The following KCNQ1OT1 variants were observed in gnomAD, a reference collection of about 807,000 sequenced individuals.
KCNQ1OT1 encodes the protein KCNQ1 antisense RNA 2 (non-protein coding).
chr11:2,651,752 G>A lies in KCNQ1OT1; in HGVS notation n.48243C>T. 1 of 398,608 alleles carries A rather than the reference G, an allele frequency of 2.5e-6. No homozygotes were observed. Among genetic ancestry groups the A allele is most frequent in the Non-Finnish European group, 4.4e-6 (1 of 226,086 alleles). The allele number at this position is 398,608 out of a possible 1,614,324, so 24.7% of individuals were successfully genotyped here. ...TTCTATACGTTTTCTCTGATTACTG[G>A]AAATTCCTCAAGTGTTGACCATTTT... On this transcript the variant is annotated non_coding_transcript_exon_variant, in exon 1 of 1. Coordinates refer to ENST00000597346, the Ensembl canonical transcript of KCNQ1OT1. This position sits in a 1 kb window ranked among gnomAD's most constrained non-coding sequence, Gnocchi z 6.1.
chr11:2,615,749 A>G (rs572084114), exon 1 of KCNQ1OT1: 41 of 398,088 alleles, frequency 1.0e-4, no homozygotes, highest in Admixed American at 7.9e-4. Context: ...GTCATGATAT[A>G]TAATCCTTTT....
rs990061777 is a variant in KCNQ1OT1, at chr11:2,612,830, T to C, written n.87165A>G. The C allele has an allele frequency of 7.5e-6, 3 of 398,514 alleles. No homozygotes were observed. Among genetic ancestry groups the C allele is most frequent in the African/African-American group, 2.1e-5 (1 of 48,632 alleles). 24.7% of individuals were successfully genotyped at this position (398,514 alleles called of 1,614,324 possible). A position where few individuals can be genotyped will look rare whatever the true frequency, so the allele number is the denominator to read the frequency against. The stretch of plus-strand genomic sequence containing the variant: ...CATTTTTTTTGTTAAAAACTTACTT[T>C]AGATAATATATCGTAGAAACTCTGG... On this transcript the variant is annotated non_coding_transcript_exon_variant, in exon 1 of 1. Transcript: ENST00000597346. The surrounding 1 kb of genome is among the most constrained non-coding windows in gnomAD (Gnocchi z 5.5).
At position 2,623,646 on chromosome 11, in the gene KCNQ1OT1, C is replaced by T. The variant is rs1849211908; in HGVS notation, n.76349G>A. 2.5e-6 allele frequency: 1 copy of T among 398,524 alleles called. No homozygotes were observed. Among genetic ancestry groups the T allele is most frequent in the Non-Finnish European group, 4.4e-6 (1 of 226,036 alleles). The allele number at this position is 398,524 out of a possible 1,614,324, so 24.7% of individuals were successfully genotyped here. A position where few individuals can be genotyped will look rare whatever the true frequency, so the allele number is the denominator to read the frequency against. On this transcript the variant is annotated non_coding_transcript_exon_variant, in exon 1 of 1. Transcript: ENST00000597346. The surrounding 1 kb of genome is among the most constrained non-coding windows in gnomAD (Gnocchi z 5.2). ...AATAATATTTCATTGCCTGGATGTACTACAGTTTATCTGTCTACTCACCTA... is the reference window on the plus strand; with the variant it reads ...AATAATATTTCATTGCCTGGATGTATTACAGTTTATCTGTCTACTCACCTA...
At chr11:2,699,107 T>G (rs1192322645) in exon 1 of KCNQ1OT1, 1 of 398,446 alleles carries the variant, frequency 2.5e-6, no homozygotes, top group Non-Finnish European at 4.4e-6. Flanking sequence ...TAGCGCGGAC[T>G]CAGAACCACG....
exon 1 of KCNQ1OT1, chr11:2,665,236 AAG>A: frequency 2.5e-6 from 1 of 398,520 alleles, no homozygotes; most frequent in Non-Finnish European, 4.4e-6. Context: ...AATGGGGCAC[AAG>A]AGAGTCCCTG....
exon 1 of KCNQ1OT1, chr11:2,639,702 A>C (rs774856136): frequency 6.6e-6 from 1 of 152,256 alleles, no homozygotes; most frequent in East Asian, 1.9e-4. Context: ...TTAGATCTCA[A>C]ACTCCGTGCT....
At chr11:2,616,556 C>A (rs1849067922) in exon 1 of KCNQ1OT1, 1 of 398,078 alleles carries the variant, frequency 2.5e-6, no homozygotes, top group South Asian at 1.3e-4. Context: ...ACTTCTTTCA[C>A]TACATCCCAT....
exon 1 of KCNQ1OT1, chr11:2,643,472 C>A (rs1291651548): frequency 5.0e-6 from 2 of 398,304 alleles, no homozygotes; most frequent in East Asian, 7.1e-5. Context: ...AGTATAGCTA[C>A]TCCTGTTTGG....
rs1327180276 is a variant in KCNQ1OT1 at position 2,613,210 on chromosome 11, C to T, written n.86785G>A. ...ATAACTCTGTCCTGTATTTTACTGT[C>T]TGCTTGCAAAAGGTCTCACAGTCAG... On this transcript the variant is annotated non_coding_transcript_exon_variant, in exon 1 of 1. Coordinates refer to ENST00000597346, the Ensembl canonical transcript of KCNQ1OT1. The surrounding 1 kb of genome is among the most constrained non-coding windows in gnomAD (Gnocchi z 4.8). 2 of 398,544 alleles carry T rather than the reference C, an allele frequency of 5.0e-6. No homozygotes were observed. The highest frequency in any genetic ancestry group is 4.4e-5 in the Admixed American group (1 of 22,718). The allele number at this position is 398,544 out of a possible 1,614,324, so 24.7% of individuals were successfully genotyped here.
At position 2,647,289 on chromosome 11, in the gene KCNQ1OT1, A is replaced by G. The variant is rs1564844204; in HGVS notation, n.52706T>C. 2.5e-6 allele frequency: 1 copy of G among 398,116 alleles called. No individual in the cohort carries two copies. Among genetic ancestry groups the G allele is most frequent in the African/African-American group, 2.1e-5 (1 of 48,510 alleles). 24.7% of individuals were successfully genotyped at this position (398,116 alleles called of 1,614,324 possible). A position where few individuals can be genotyped will look rare whatever the true frequency, so the allele number is the denominator to read the frequency against. On this transcript the variant is annotated non_coding_transcript_exon_variant, in exon 1 of 1. Transcript: ENST00000597346. The surrounding 1 kb of genome is among the most constrained non-coding windows in gnomAD (Gnocchi z 4.0). ...TGATGTATCACATTTATTGATTTGT[A>G]TATGTTGAACCATCCTTGAATCCCT...
At chr11:2,643,351 A>G (rs2133832438) in exon 1 of KCNQ1OT1, 5 of 398,362 alleles carry the variant, frequency 1.3e-5, no homozygotes, top group Non-Finnish European at 1.3e-5. Flanking sequence ...TGTTGGGTGC[A>G]TATATGTTTA....
At chr11:2,660,590 G>C (rs1849933951) in exon 1 of KCNQ1OT1, 1 of 398,492 alleles carries the variant, frequency 2.5e-6, no homozygotes. Flanking sequence ...AATTCTGCAA[G>C]AGGAAACCCA....
At chr11:2,697,148 A>G (rs1323699859) in exon 1 of KCNQ1OT1, 1 of 398,484 alleles carries the variant, frequency 2.5e-6, no homozygotes, top group Non-Finnish European at 4.4e-6. Context: ...CCATGACCCC[A>G]GTGGAATATG....
chr11:2,676,413 A>T lies in KCNQ1OT1; in HGVS notation n.23582T>A. 2.5e-6 allele frequency: 1 copy of T among 398,632 alleles called. No individual in the cohort carries two copies. The highest frequency in any genetic ancestry group is 4.4e-6 in the Non-Finnish European group (1 of 226,070). 24.7% of individuals were successfully genotyped at this position (398,632 alleles called of 1,614,324 possible). A position where few individuals can be genotyped will look rare whatever the true frequency, so the allele number is the denominator to read the frequency against. ...TGTGTTCAGCTAGAGATTTAGCCCA[A>T]TGGGCTGGGCTTTTCCCAGATAGGA... On this transcript the variant is annotated non_coding_transcript_exon_variant, in exon 1 of 1. Coordinates refer to ENST00000597346, the Ensembl canonical transcript of KCNQ1OT1. The surrounding 1 kb of genome is among the most constrained non-coding windows in gnomAD (Gnocchi z 4.2).
At position 2,621,133 on chromosome 11, in the gene KCNQ1OT1, A is replaced by T; in HGVS notation, n.78862T>A. The T allele has an allele frequency of 2.5e-6, 1 of 397,054 alleles. No homozygotes were observed. Among genetic ancestry groups the T allele is most frequent in the Admixed American group, 4.4e-5 (1 of 22,694 alleles). The allele number at this position is 397,054 out of a possible 1,614,324, so 24.6% of individuals were successfully genotyped here. The stretch of plus-strand genomic sequence containing the variant: ...GCTGGGATTACAGGTGACCGCCACC[A>T]TACCTGGCTAATTTTTGTGTTTTTA... On this transcript the variant is annotated non_coding_transcript_exon_variant, in exon 1 of 1. Transcript: ENST00000597346. This position sits in a 1 kb window ranked among gnomAD's most constrained non-coding sequence, Gnocchi z 5.7.
At position 2,641,982 on chromosome 11, in the gene KCNQ1OT1, G is replaced by T. The variant is rs962254185; in HGVS notation, n.58013C>A. ...CTTCCAGGTTCTACTCTGTTCCATT[G>T]GTCTATCAGTTTTTATTCCAATACC... is the stretch of plus-strand genomic sequence containing the variant. On this transcript the variant is annotated non_coding_transcript_exon_variant, in exon 1 of 1. Coordinates refer to ENST00000597346, the Ensembl canonical transcript of KCNQ1OT1. The T allele has an allele frequency of 1.0e-5, 4 of 398,156 alleles. No homozygotes were observed. The East Asian group carries it at 1.1e-4, about 11-fold the overall frequency. 24.7% of individuals were successfully genotyped at this position (398,156 alleles called of 1,614,324 possible).
exon 1 of KCNQ1OT1, chr11:2,635,773 C>A (rs1036801692): frequency 2.0e-5 from 3 of 152,104 alleles, no homozygotes; most frequent in Non-Finnish European, 4.4e-5. Context: ...TTACCTTGGG[C>A]AGTATGGCCA....
At chr11:2,680,316 C>T in exon 1 of KCNQ1OT1, 2 of 335,950 alleles carry the variant, frequency 6.0e-6, no homozygotes, top group Non-Finnish European at 9.5e-6. Flanking sequence ...GAATTGCCTT[C>T]CCCACCTCAA....
exon 1 of KCNQ1OT1, chr11:2,637,791 G>A (rs1376462637): frequency 6.6e-6 from 1 of 152,194 alleles, no homozygotes; most frequent in Non-Finnish European, 1.5e-5. Flanking sequence ...GGGTGTTAAA[G>A]TCTCCCATTA....
Sources: gnomAD v4.1 joint callset for allele counts on GRCh38, gnomAD v4.1.1 for gene constraint, Gnocchi (gnomAD v3.1) non-coding constraint, MANE v1.5 for transcripts, NCBI Gene and HGNC (gene_info 2026-07-23, HGNC 2026-07-21) for gene names.